UBR3: variants seen among roughly 807,000 people sequenced by gnomAD.
UBR3 encodes ubiquitin protein ligase E3 component n-recognin 3.
UBR3 carries 85 observed loss-of-function variants against 243.2 expected under a neutral mutation model. The ratio of observed to expected loss-of-function variants is 0.35; its 90% confidence interval spans 0.29 to 0.42. The LOEUF is 0.42. Ranked by LOEUF, UBR3 falls within the 10% of genes least tolerant of loss-of-function variation. The pLI, the probability that UBR3 is intolerant of heterozygous loss-of-function variation, is 1.00. For synonymous variants in UBR3, 748 were observed against 799.8 expected, an observed-to-expected ratio of 0.94 and a Z score of 1.09; for missense variants, 1,686 against 2,300.8, an observed-to-expected ratio of 0.73 and a Z score of 5.47.
At chr2:169,928,938 A>G in intron 18 of UBR3, 70 bp downstream of exon 18, 5 of 1,228,550 alleles carry the variant, frequency 4.1e-6, no homozygotes, top group Non-Finnish European at 5.2e-6. Flanking sequence ...CTGTGTATTA[A>G]AAGAAAATGT....
chr2:170,083,654 A>T lies in UBR3; in HGVS notation c.*1811A>T. 1 of 152,622 alleles carries T rather than the reference A, an allele frequency of 6.6e-6. No homozygotes were observed. The highest frequency in any genetic ancestry group is 1.9e-4 in the East Asian group (1 of 5,202). 9.5% of individuals were successfully genotyped at this position (152,622 alleles called of 1,614,324 possible). A position where few individuals can be genotyped will look rare whatever the true frequency, so the allele number is the denominator to read the frequency against. On this transcript the variant is annotated 3_prime_UTR_variant, in exon 39 of 39. Transcript: ENST00000272793. ...ATGCTATATATACATGGTATAATGT[A>T]TTCAGACTTTGATTACTACTTATTT...
intron 11 of UBR3, among the ~76,000 whole-genome samples, chr2:169,922,279 C>T (rs1407884779): frequency 6.8e-6 from 1 of 147,264 alleles, no homozygotes; most frequent in Non-Finnish European, 1.5e-5. Context: ...GAGTGAGACC[C>T]TGTCTATTTA....
chr2:169,836,254 T>G (rs2082110788), intron 1 of UBR3, among the ~76,000 whole-genome samples: 1 of 150,630 alleles, frequency 6.6e-6, no homozygotes, highest in Admixed American at 6.6e-5. Flanking sequence ...TAGCTAATTT[T>G]CATATTTTTA....
In UBR3 at chr2:169,956,545, C is replaced by T. The variant is rs1252304401; in HGVS notation, c.3546-1893C>T. Among the ~76,000 whole-genome samples, 3 of 151,980 alleles carry T rather than the reference C, an allele frequency of 2.0e-5. No homozygotes were observed. In the East Asian group the frequency reaches 5.8e-4, roughly 29 times the overall value. Reference sequence around the variant, plus strand: ...CAACCTGGATAATAATATTTTGGCTCAAAAACAGTATAAAAGAATTGTTGT... The same window carrying T: ...CAACCTGGATAATAATATTTTGGCTTAAAAACAGTATAAAAGAATTGTTGT... On this transcript the variant is annotated intron_variant, in intron 23 of 38. Coordinates refer to ENST00000272793, the MANE Select transcript of UBR3 (RefSeq NM_172070.4).
At chr2:169,943,937 C>A (rs2086688734) in intron 20 of UBR3, among the ~76,000 whole-genome samples, 1 of 151,988 alleles carries the variant, frequency 6.6e-6, no homozygotes, top group South Asian at 2.1e-4. Context: ...TACCCGTGAC[C>A]AATTTTTCAG....
intron 31 of UBR3, among the ~76,000 whole-genome samples, chr2:170,032,967 C>G (rs1397603640): frequency 6.6e-6 from 1 of 151,956 alleles, no homozygotes; most frequent in Admixed American, 6.6e-5. Flanking sequence ...TGTTTATAAA[C>G]TAAATTAGCA....
intron 32 of UBR3, among the ~76,000 whole-genome samples, chr2:170,047,044 G>C (rs1016723816): frequency 2.6e-5 from 4 of 152,042 alleles, no homozygotes; most frequent in Non-Finnish European, 5.9e-5. Flanking sequence ...GCCCAGGCTG[G>C]AGTACAGTGG....
intron 36 of UBR3, among the ~76,000 whole-genome samples, chr2:170,079,413 ATTGT>A (rs2091869540): frequency 6.6e-6 from 1 of 152,212 alleles, no homozygotes; most frequent in African/African-American, 2.4e-5. Flanking sequence ...AAGCTAAAGA[ATTGT>A]TTGAGAATGA....
chr2:169,874,504 A>C (rs1182786625), intron 2 of UBR3, among the ~76,000 whole-genome samples: 1 of 152,108 alleles, frequency 6.6e-6, no homozygotes, highest in African/African-American at 2.4e-5. Context: ...TTACTGTTTA[A>C]AATTAAAGAA....
intron 11 of UBR3, among the ~76,000 whole-genome samples, chr2:169,915,042 A>G (rs933148345): frequency 6.6e-6 from 1 of 152,166 alleles, no homozygotes; most frequent in Non-Finnish European, 1.5e-5. Flanking sequence ...ATATTTTCTT[A>G]TATAGCCAGA....
Position 169,827,516 on chromosome 2 carries a change from G to T in UBR3, c.9G>T (p.Ala3=). Residue 3 remains alanine, a synonymous_variant, in exon 1 of 39, where the codon GCG becomes GCT. Coordinates refer to ENST00000272793, the MANE Select transcript of UBR3 (RefSeq NM_172070.4). Reference sequence around the variant, plus strand: ...AATTCTGAGCTCTCATCATGGCGGCGGCGGCCGCGGCGGCCGTCGGGGGCC... The same window carrying T: ...AATTCTGAGCTCTCATCATGGCGGCTGCGGCCGCGGCGGCCGTCGGGGGCC... MA[A]AAAAAVGGQQ... 1 of 1,224,752 alleles carries T rather than the reference G, an allele frequency of 8.2e-7. No homozygotes were observed. The highest frequency in any genetic ancestry group is 1.0e-6 in the Non-Finnish European group (1 of 982,912). The allele number at this position is 1,224,752 out of a possible 1,614,324, so 75.9% of individuals were successfully genotyped here. A position where few individuals can be genotyped will look rare whatever the true frequency, so the allele number is the denominator to read the frequency against.
intron 27 of UBR3, among the ~76,000 whole-genome samples, chr2:170,001,939 A>AAAAAAAAAAAAAAAAAAAAAG (rs1553531165): frequency 6.0e-5 from 7 of 116,208 alleles, no homozygotes; most frequent in African/African-American, 1.5e-4. Flanking sequence ...AAAAAAAAAA[A>AAAAAAAAAAAAAAAAAAAAAG]AAAGAAAGAA....
In UBR3 at chr2:170,073,502, C is replaced by A; in HGVS notation, c.5094C>A (p.Phe1698Leu). The A allele has an allele frequency of 6.2e-7, 1 of 1,613,872 alleles. No homozygotes were observed. Among genetic ancestry groups the A allele is most frequent in the Non-Finnish European group, 8.5e-7 (1 of 1,179,776 alleles). Residue 1698 changes from phenylalanine to leucine, a missense_variant, in exon 36 of 39, where the codon TTC becomes TTA. Physicochemically the swap from Phe to Leu is conservative, Grantham distance 22. Around this residue, in one of 8 missense-constraint regions of UBR3, gnomAD observed 371 missense variants for 422.5 expected, o/e 0.88. Coordinates refer to ENST00000272793, the MANE Select transcript of UBR3 (RefSeq NM_172070.4). ...LPTFYQTEHP[F>L]ISASCLDWPV... ...CGTTTTACCAAACAGAACATCCATT[C>A]ATCAGTGCCTCCTGTCTGGATTGGC...
chr2:169,861,913 C>A (rs1256251522), intron 1 of UBR3, among the ~76,000 whole-genome samples: 1 of 152,168 alleles, frequency 6.6e-6, no homozygotes, highest in African/African-American at 2.4e-5. Flanking sequence ...GTTCCTCCCG[C>A]CTACCCCCAA....
chr2:169,954,743 T>C (rs1272475377), intron 23 of UBR3, among the ~76,000 whole-genome samples: 4 of 151,790 alleles, frequency 2.6e-5, no homozygotes, highest in Non-Finnish European at 5.9e-5. Context: ...CCCGGCTAAT[T>C]TTTGTATTTT....
At position 169,834,084 on chromosome 2, in the gene UBR3, TGCCTG is replaced by T. The variant is rs2082015621; in HGVS notation, c.545+6038_545+6042del. 2.6e-5 allele frequency among the ~76,000 whole-genome samples: 4 copies of T among 152,310 alleles called. No homozygotes were observed. In the South Asian group the frequency reaches 8.3e-4, roughly 32 times the overall value. On this transcript the variant is annotated intron_variant, in intron 1 of 38. Transcript: ENST00000272793. ...ATTATAGGCGTGAGCCACAGTGTGG[TGCCTG>T]GCCTGTGTTGTGGGAGGTTTTTAGG...
chr2:169,850,646 C>T lies in UBR3; in HGVS notation c.546-21590C>T, dbSNP rs185342896. On this transcript the variant is annotated intron_variant, in intron 1 of 38. Transcript: ENST00000272793. ...GATCACGAGGTCAGGAGATTGAGACCATCCTGGCTAACACGGTGAAACCCC... is the reference window on the plus strand; with the variant it reads ...GATCACGAGGTCAGGAGATTGAGACTATCCTGGCTAACACGGTGAAACCCC... 1.1e-3 allele frequency among the ~76,000 whole-genome samples: 167 copies of T among 152,192 alleles called. 3 individuals carry two copies. The East Asian group carries it at 0.031, about 28-fold the overall frequency.
intron 31 of UBR3, among the ~76,000 whole-genome samples, chr2:170,037,066 T>C (rs1322799313): frequency 6.6e-6 from 1 of 152,168 alleles, no homozygotes; most frequent in East Asian, 1.9e-4. Flanking sequence ...TTCTCACCTG[T>C]AGTGTTAGGT....
chr2:169,951,597 T>C lies in UBR3; in HGVS notation c.3545+1532T>C, dbSNP rs745904808. The stretch of plus-strand genomic sequence containing the variant: ...GGACATAAGGCTAAGAAGGTAACCA[T>C]GTATCGTTAACTCGCACAGGGTATA... On this transcript the variant is annotated intron_variant, in intron 23 of 38. Coordinates refer to ENST00000272793, the MANE Select transcript of UBR3 (RefSeq NM_172070.4). Among the ~76,000 whole-genome samples the C allele has an allele frequency of 3.3e-5, 5 of 152,114 alleles. No individual in the cohort carries two copies. The East Asian group carries it at 7.7e-4, about 23-fold the overall frequency.
Sources: allele counts gnomAD v4.1 joint callset (sites outside exome capture counted in the v4.1 genomes callset), GRCh38; gene constraint gnomAD v4.1.1; regional missense constraint gnomAD v4.1.1; transcripts MANE v1.5; gene names NCBI Gene and HGNC (gene_info 2026-07-23, HGNC 2026-07-21).